VAT1L: variants seen among roughly 807,000 people sequenced by gnomAD.
VAT1L encodes the protein vesicle amine transport 1 like, also known as putative NADPH-dependent quinone oxidoreductase VAT1L.
A neutral mutation model predicts 44.1 loss-of-function variants in VAT1L; 34 were observed. That is an observed-to-expected ratio of 0.77 (90% CI 0.59 to 1.03). The LOEUF (loss-of-function observed/expected upper bound fraction) is 1.03. VAT1L is among the 50% of genes least tolerant of loss of function. The pLI is 0.00. For synonymous variants in VAT1L, 253 were observed against 202.2 expected, an observed-to-expected ratio of 1.25 and a Z score of -2.13; for missense variants, 615 against 538.8, an observed-to-expected ratio of 1.14 and a Z score of -1.40.
intron 7 of VAT1L, among the ~76,000 whole-genome samples, chr16:77,967,547 G>A (rs954206459): frequency 3.4e-4 from 52 of 152,128 alleles, no homozygotes; most frequent in African/African-American, 1.2e-3. Context: ...TACTTAAATG[G>A]CCTCTTGGAA....
chr16:77,895,085 A>G (rs1316716052), intron 7 of VAT1L, among the ~76,000 whole-genome samples: 2 of 66,214 alleles, frequency 3.0e-5, no homozygotes, highest in Non-Finnish European at 5.8e-5. Flanking sequence ...CAACGTGATC[A>G]CCCCAGCCAC....
chr16:77,795,292 A>G (rs1269118265), intron 1 of VAT1L, among the ~76,000 whole-genome samples: 16 of 147,830 alleles, frequency 1.1e-4, no homozygotes, highest in African/African-American at 3.9e-4. Flanking sequence ...GCGGGGGGAA[A>G]GATTGAGAAA....
At chr16:77,948,040 G>A (rs2017991866) in intron 7 of VAT1L, among the ~76,000 whole-genome samples, 1 of 152,204 alleles carries the variant, frequency 6.6e-6, no homozygotes, top group South Asian at 2.1e-4. Context: ...GATTACAGGT[G>A]TGTACCACCG....
chr16:77,951,859 A>T (rs767059491), intron 7 of VAT1L, among the ~76,000 whole-genome samples: 3 of 151,916 alleles, frequency 2.0e-5, no homozygotes, highest in African/African-American at 7.2e-5. Flanking sequence ...AAAAACACGA[A>T]AAAACAAACT....
At chr16:77,953,220 G>A (rs948801749) in intron 7 of VAT1L, among the ~76,000 whole-genome samples, 3 of 152,122 alleles carry the variant, frequency 2.0e-5, no homozygotes, top group African/African-American at 4.8e-5. Flanking sequence ...GAACCAATCC[G>A]GCTGACATTT....
At chr16:77,839,001 C>T (rs1020226978) in intron 3 of VAT1L, among the ~76,000 whole-genome samples, 1 of 152,070 alleles carries the variant, frequency 6.6e-6, no homozygotes, top group Non-Finnish European at 1.5e-5. Context: ...ATTCCTGAAG[C>T]CTGCAGTCCT....
At chr16:77,911,499 G>C (rs1274587663) in intron 7 of VAT1L, among the ~76,000 whole-genome samples, 1 of 152,136 alleles carries the variant, frequency 6.6e-6, no homozygotes, top group African/African-American at 2.4e-5. Flanking sequence ...CCTCACCCTT[G>C]CTATTCTACA....
chr16:77,802,655 C>T (rs2016084323), intron 1 of VAT1L, among the ~76,000 whole-genome samples: 1 of 145,368 alleles, frequency 6.9e-6, no homozygotes, highest in African/African-American at 2.5e-5. Context: ...CACACACACA[C>T]ACACACACAC....
chr16:77,914,550 A>G (rs529908348), intron 7 of VAT1L, among the ~76,000 whole-genome samples: 2 of 152,366 alleles, frequency 1.3e-5, no homozygotes, highest in African/African-American at 4.8e-5. Flanking sequence ...CGCAAATTAA[A>G]CTTGAAAATA....
intron 8 of VAT1L, 44 bp downstream of exon 8, chr16:77,971,977 G>A (rs769088000): frequency 2.5e-6 from 4 of 1,576,862 alleles, no homozygotes; most frequent in South Asian, 1.2e-5. Flanking sequence ...ACGCGAGAGA[G>A]CACCACGGGT....
In VAT1L at chr16:77,977,869, C is replaced by T. The variant is rs891588876; in HGVS notation, c.*174C>T. On this transcript the variant is annotated 3_prime_UTR_variant, in exon 9 of 9. Coordinates refer to ENST00000302536, the MANE Select transcript of VAT1L (RefSeq NM_020927.3). ...CTGTTGTTTTTTGAAGTGCCAATCC[C>T]ATGCCATGCAGTATTATGTCCCTCT... The T allele has an allele frequency of 2.7e-5, 17 of 620,590 alleles. No homozygotes were observed. The highest frequency in any genetic ancestry group is 4.9e-5 in the Non-Finnish European group (17 of 343,950). The allele number at this position is 620,590 out of a possible 1,614,324, so 38.4% of individuals were successfully genotyped here. A position where few individuals can be genotyped will look rare whatever the true frequency, so the allele number is the denominator to read the frequency against.
At chr16:77,814,212 C>T (rs2016312711) in intron 1 of VAT1L, among the ~76,000 whole-genome samples, 1 of 152,102 alleles carries the variant, frequency 6.6e-6, no homozygotes, top group South Asian at 2.1e-4. Context: ...TAGCTATATC[C>T]AAATCAGGAG....
intron 3 of VAT1L, among the ~76,000 whole-genome samples, chr16:77,833,935 C>T (rs867326294): frequency 4.6e-5 from 7 of 152,120 alleles, no homozygotes; most frequent in South Asian, 2.1e-4. Context: ...CTCCGTCTTC[C>T]ATTCACTGCT....
chr16:77,829,858 A>T (rs1260815861), intron 3 of VAT1L, among the ~76,000 whole-genome samples: 1 of 152,184 alleles, frequency 6.6e-6, no homozygotes, highest in East Asian at 1.9e-4. Flanking sequence ...TGCAGTTTTC[A>T]GAGTCCTCTT....
chr16:77,862,985 G>T, intron 4 of VAT1L, 95 bp downstream of exon 4: 1 of 1,442,938 alleles, frequency 6.9e-7, no homozygotes, highest in Non-Finnish European at 9.4e-7. Context: ...ATAATAATAT[G>T]TAGCAAACAT....
At chr16:77,918,040 G>T (rs942207011) in intron 7 of VAT1L, among the ~76,000 whole-genome samples, 3 of 152,184 alleles carry the variant, frequency 2.0e-5, no homozygotes, top group African/African-American at 7.2e-5. Context: ...GACACAGCCT[G>T]AATCTTTTCT....
chr16:77,879,521 C>G lies in VAT1L; in HGVS notation c.882+297C>G, dbSNP rs184599842. 6.6e-6 allele frequency among the ~76,000 whole-genome samples: 1 copy of G among 152,114 alleles called. No individual in the cohort carries two copies. Among genetic ancestry groups the G allele is most frequent in the East Asian group, 1.9e-4 (1 of 5,178 alleles). Reference sequence around the variant, plus strand: ...GGCCAGGATGGTCTCAATCTGACCTCGTGATCTGCCCGCCTCAGCCTCCCA... The same window carrying G: ...GGCCAGGATGGTCTCAATCTGACCTGGTGATCTGCCCGCCTCAGCCTCCCA... On this transcript the variant is annotated intron_variant, in intron 6 of 8. Transcript: ENST00000302536. This position sits in a 1 kb window ranked among gnomAD's most constrained non-coding sequence, Gnocchi z 4.1.
intron 7 of VAT1L, among the ~76,000 whole-genome samples, chr16:77,885,221 T>C (rs2017197952): frequency 6.6e-6 from 1 of 152,212 alleles, no homozygotes; most frequent in Non-Finnish European, 1.5e-5. Flanking sequence ...TGAGCCCCGA[T>C]GAGACATTAG....
intron 7 of VAT1L, among the ~76,000 whole-genome samples, chr16:77,936,100 C>T (rs532500322): frequency 6.6e-6 from 1 of 152,266 alleles, no homozygotes; most frequent in Admixed American, 6.5e-5. Flanking sequence ...TGTGGGGAGA[C>T]TATCGCACCA....
Sources: gnomAD v4.1 joint callset for allele counts (sites outside exome capture counted in the v4.1 genomes callset) on GRCh38, gnomAD v4.1.1 for gene constraint, Gnocchi (gnomAD v3.1) non-coding constraint, MANE v1.5 for transcripts, NCBI Gene and HGNC (gene_info 2026-07-23, HGNC 2026-07-21) for gene names.